The following SGO2 variants were observed in gnomAD, a reference collection of about 807,000 sequenced individuals.
SGO2 encodes the protein shugoshin-like 2.
A neutral mutation model predicts 99.5 loss-of-function variants in SGO2; 68 were observed. The observed-to-expected ratio is 0.68, with a 90% CI of 0.56 to 0.84. The LOEUF (loss-of-function observed/expected upper bound fraction) is 0.84. Ranked by LOEUF, SGO2 falls within the 40% of genes least tolerant of loss-of-function variation. The pLI, the probability that SGO2 is intolerant of heterozygous loss-of-function variation, is 0.00. For missense variants in SGO2, 1,350 were observed against 1,436.7 expected (o/e 0.94, Z 0.97); for synonymous variants, 457 against 487.1 (o/e 0.94, Z 0.81).
intron 4 of SGO2, among the ~76,000 whole-genome samples, chr2:200,536,645 A>G (rs1250379264): frequency 6.6e-6 from 1 of 152,134 alleles, no homozygotes; most frequent in Non-Finnish European, 1.5e-5. Context: ...AAAAGTAAAA[A>G]CTGGACAGCA....
intron 4 of SGO2, among the ~76,000 whole-genome samples, chr2:200,541,031 G>A (rs1368042894): frequency 3.6e-5 from 2 of 55,184 alleles, no homozygotes; most frequent in Non-Finnish European, 9.5e-5. Flanking sequence ...GATAGAAGGT[G>A]GAAGGCAAGA....
intron 1 of SGO2, chr2:200,532,272 G>GTTTTTTTTTTTTTTTTTTTTTT (rs58961852): frequency 5.3e-6 from 1 of 187,204 alleles, no homozygotes. Context: ...AGAGTTTTTT[G>GTTTTTTTTTTTTTTTTTTTTTT]TTTTTTTTTT....
At chr2:200,531,838 A>G (rs571689793) in intron 1 of SGO2, 1 of 153,238 alleles carries the variant, frequency 6.5e-6, no homozygotes, top group African/African-American at 2.4e-5. Context: ...TGCTTTGTCA[A>G]TTCCTGATGG....
chr2:200,561,018 A>T (rs1314585554), intron 5 of SGO2, among the ~76,000 whole-genome samples: 1 of 152,098 alleles, frequency 6.6e-6, no homozygotes, highest in Non-Finnish European at 1.5e-5. Flanking sequence ...TATTGGTGTA[A>T]AGTTACTTAT....
chr2:200,544,954 A>T (rs2032143262), intron 5 of SGO2, among the ~76,000 whole-genome samples: 1 of 151,956 alleles, frequency 6.6e-6, no homozygotes, highest in African/African-American at 2.4e-5. Context: ...GTATCTTTTC[A>T]TATGTTTACT....
chr2:200,537,731 T>C (rs1350034964), intron 4 of SGO2, among the ~76,000 whole-genome samples: 1 of 152,154 alleles, frequency 6.6e-6, no homozygotes, highest in Non-Finnish European at 1.5e-5. Flanking sequence ...CTATACACTG[T>C]TGACTTTCAA....
intron 4 of SGO2, among the ~76,000 whole-genome samples, chr2:200,538,019 C>T (rs1005695917): frequency 1.1e-4 from 16 of 152,288 alleles, no homozygotes; most frequent in Middle Eastern, 3.4e-3. Flanking sequence ...CCACGCATGT[C>T]CAAGGCACTG....
chr2:200,549,262 A>G (rs917193265), intron 5 of SGO2, among the ~76,000 whole-genome samples: 3 of 152,098 alleles, frequency 2.0e-5, no homozygotes, highest in African/African-American at 7.2e-5. Context: ...AGCTTTGGTG[A>G]TGGAGCAACA....
At position 200,572,839 on chromosome 2, in the gene SGO2, A is replaced by G. The variant is rs777034184; in HGVS notation, c.2493A>G (p.Lys831=). 6.2e-7 allele frequency: 1 copy of G among 1,607,718 alleles called. No individual in the cohort carries two copies. Among genetic ancestry groups the G allele is most frequent in the South Asian group, 1.1e-5 (1 of 89,272 alleles). ...ETNQIYENDN[K]GVHDLEKDNF... is the part of the protein sequence containing the mutation. The stretch of plus-strand genomic sequence containing the variant: ...ACCAAATATATGAGAATGATAACAA[A>G]GGTGTACATGACCTAGAAAAAGATA... The change falls in exon 7 of 9, where the codon AAA becomes AAG. Residue 831 remains lysine (K), a synonymous_variant. Transcript: ENST00000357799.
At position 200,572,522 on chromosome 2, in the gene SGO2, G is replaced by A. The variant is rs758789443; in HGVS notation, c.2176G>A (p.Val726Met). ...VNRKTEIISE[V>M]NHLDNDKSIE... Reference sequence around the variant, plus strand: ...TCGGAAGACAGAAATAATTTCTGAAGTGAATCATTTAGATAATGACAAAAG... The same window carrying A: ...TCGGAAGACAGAAATAATTTCTGAAATGAATCATTTAGATAATGACAAAAG... The change falls in exon 7 of 9, where the codon GTG becomes ATG. Residue 726 changes from valine (V) to methionine (M), a missense_variant. Physicochemically the swap from Val to Met is conservative, Grantham distance 21. Transcript: ENST00000357799. The A allele has an allele frequency of 1.1e-4, 182 of 1,612,074 alleles. No individual in the cohort carries two copies. The highest frequency in any genetic ancestry group is 1.5e-4 in the Non-Finnish European group (176 of 1,178,816).
intron 8 of SGO2, among the ~76,000 whole-genome samples, chr2:200,578,870 TACA>T (rs2106353158): frequency 6.6e-6 from 1 of 152,328 alleles, no homozygotes; most frequent in East Asian, 1.9e-4. Flanking sequence ...TGTTTGTTGT[TACA>T]AATGAATCTT....
intron 8 of SGO2, chr2:200,575,952 A>T: frequency 3.9e-6 from 1 of 256,256 alleles, no homozygotes; most frequent in South Asian, 3.7e-5. Context: ...TTCAACAGTT[A>T]TAACACTTTG....
chr2:200,541,206 G>A (rs2031943773), intron 4 of SGO2, among the ~76,000 whole-genome samples: 1 of 152,160 alleles, frequency 6.6e-6, no homozygotes. Flanking sequence ...GAGTTTTGGA[G>A]GAGAGATTCA....
chr2:200,527,926 C>T (rs752759692), intron 1 of SGO2, among the ~76,000 whole-genome samples: 8 of 152,108 alleles, frequency 5.3e-5, no homozygotes, highest in Non-Finnish European at 1.2e-4. Flanking sequence ...TGGGAAGGCT[C>T]ACTAAGAAAG....
At chr2:200,542,281 C>T (rs1162814956) in intron 4 of SGO2, among the ~76,000 whole-genome samples, 2 of 152,000 alleles carry the variant, frequency 1.3e-5, no homozygotes, top group East Asian at 1.9e-4. Context: ...TAGACATGAA[C>T]ATATTGCATG....
chr2:200,551,284 G>A (rs34434766), intron 5 of SGO2, among the ~76,000 whole-genome samples: 33,296 of 152,008 alleles, frequency 0.22, 3,865 homozygotes, highest in Middle Eastern at 0.3. Context: ...ACACAATGGC[G>A]TATTATTCAG....
intron 5 of SGO2, among the ~76,000 whole-genome samples, chr2:200,562,905 T>A (rs1258347400): frequency 1.3e-5 from 2 of 152,206 alleles, no homozygotes; most frequent in Non-Finnish European, 2.9e-5. Flanking sequence ...TGCACATTGA[T>A]TTTGTATCCT....
At chr2:200,538,108 T>G (rs958258528) in intron 4 of SGO2, among the ~76,000 whole-genome samples, 2 of 152,212 alleles carry the variant, frequency 1.3e-5, no homozygotes, top group African/African-American at 2.4e-5. Context: ...CCTCTATGTA[T>G]TCTCTTCTTA....
Position 200,573,910 on chromosome 2 carries a change from T to A in SGO2, c.3564T>A (p.Asp1188Glu). 1 of 1,610,042 alleles carries A rather than the reference T, an allele frequency of 6.2e-7. No individual in the cohort carries two copies. The highest frequency in any genetic ancestry group is 8.5e-7 in the Non-Finnish European group (1 of 1,178,820). The change falls in exon 7 of 9, where the codon GAT becomes GAA. Residue 1188 changes from aspartate to glutamate, a missense_variant. Coordinates refer to ENST00000357799, the MANE Select transcript of SGO2 (RefSeq NM_152524.6). ...LECSPAFQVS[D>E]DEHEKMNKMK... Reference sequence around the variant, plus strand: ...GCTCCCCAGCCTTTCAAGTAAGTGATGATGAGCATGAGAAGATGAACAAGA... The same window carrying A: ...GCTCCCCAGCCTTTCAAGTAAGTGAAGATGAGCATGAGAAGATGAACAAGA...
Sources: gnomAD v4.1 joint callset for allele counts (sites outside exome capture counted in the v4.1 genomes callset) on GRCh38, gnomAD v4.1.1 for gene constraint, MANE v1.5 for transcripts, NCBI Gene and HGNC (gene_info 2026-07-23, HGNC 2026-07-21) for gene names.